The following TUT4 variants were observed in gnomAD, a reference collection of about 807,000 sequenced individuals.
TUT4 encodes terminal uridylyl transferase 4.
Under a neutral mutation model 192.2 loss-of-function variants are expected in TUT4, and 36 were observed. The observed-to-expected ratio is 0.19, with a 90% confidence interval of 0.14 to 0.25. TUT4 has a LOEUF of 0.25. Ranked by LOEUF, TUT4 falls within the 10% of genes least tolerant of loss-of-function variation. The pLI is 1.00. For synonymous variants in TUT4, 618 were observed against 666.0 expected (o/e 0.93, Z 1.11); for missense variants, 1,493 against 1,957.2 (o/e 0.76, Z 4.47).
At chr1:52,452,506 G>A (rs941283130) in intron 20 of TUT4, among the ~76,000 whole-genome samples, 4 of 152,174 alleles carry the variant, frequency 2.6e-5, no homozygotes, top group African/African-American at 4.8e-5. Context: ...TTTGGGGAGC[G>A]GAGAAGGGCT....
At chr1:52,427,004 T>C (rs553393997) in intron 28 of TUT4, among the ~76,000 whole-genome samples, 1 of 152,232 alleles carries the variant, frequency 6.6e-6, no homozygotes, top group South Asian at 2.1e-4. Context: ...TGAGTATCTA[T>C]ACAATGAATA....
intron 15 of TUT4, among the ~76,000 whole-genome samples, chr1:52,466,857 G>C (rs1343714641): frequency 6.6e-6 from 1 of 151,680 alleles, no homozygotes; most frequent in African/African-American, 2.4e-5. Flanking sequence ...TAGTAGAGAC[G>C]GGTTTTGCCA....
intron 19 of TUT4, among the ~76,000 whole-genome samples, chr1:52,460,371 A>G (rs747930163): frequency 1.3e-5 from 2 of 152,052 alleles, no homozygotes; most frequent in Non-Finnish European, 2.9e-5. Flanking sequence ...AATCCCAGCT[A>G]CTTGGGAGGC....
intron 28 of TUT4, among the ~76,000 whole-genome samples, chr1:52,429,276 G>C (rs921998363): frequency 6.6e-6 from 1 of 151,506 alleles, no homozygotes; most frequent in Non-Finnish European, 1.5e-5. Context: ...AAGTAGAGAC[G>C]GGGTTTCACC....
At chr1:52,435,274 G>T in intron 27 of TUT4, 91 bp downstream of exon 27, 2 of 1,015,420 alleles carry the variant, frequency 2.0e-6, no homozygotes, top group Non-Finnish European at 3.0e-6. Context: ...CTGGAAGATT[G>T]TATTAGCCAG....
rs200259062 is a variant in TUT4, at chr1:52,486,562, A to G, written c.1515+2347T>C. Among the ~76,000 whole-genome samples, 3 of 152,224 alleles carry G rather than the reference A, an allele frequency of 2.0e-5. No homozygotes were observed. In the East Asian group the frequency reaches 5.8e-4, roughly 29 times the overall value. On this transcript the variant is annotated intron_variant, in intron 9 of 29. Transcript: ENST00000257177. The stretch of plus-strand genomic sequence containing the variant: ...TGGCTTAAAACTTCAAGAAAAACAA[A>G]GCTATTTTAAAAAAATCTTTTAGAA...
At chr1:52,486,359 G>C (rs1040650287) in intron 9 of TUT4, among the ~76,000 whole-genome samples, 1 of 152,092 alleles carries the variant, frequency 6.6e-6, no homozygotes, top group African/African-American at 2.4e-5. Flanking sequence ...GAGTTAAGAA[G>C]CTTTATCTAG....
chr1:52,552,552 G>C (rs941429585), intron 1 of TUT4, among the ~76,000 whole-genome samples: 3 of 152,196 alleles, frequency 2.0e-5, no homozygotes, highest in African/African-American at 7.2e-5. Context: ...ACAGGGAATC[G>C]TAACTGGACC....
intron 2 of TUT4, among the ~76,000 whole-genome samples, chr1:52,516,546 T>C (rs1422649663): frequency 6.6e-6 from 1 of 152,220 alleles, no homozygotes; most frequent in African/African-American, 2.4e-5. Flanking sequence ...ACTACATTAA[T>C]GGTTTTCCTT....
At position 52,523,953 on chromosome 1, in the gene TUT4, G is replaced by A. The variant is rs150779054; in HGVS notation, c.718+1610C>T. ...CTTTTTATTTCTACATCAAGATAAC[G>A]CTGTATTTTTCCAGCCATGAAAACA... is the stretch of plus-strand genomic sequence containing the variant. On this transcript the variant is annotated intron_variant, in intron 2 of 29. Coordinates refer to ENST00000257177, the MANE Select transcript of TUT4 (RefSeq NM_001009881.3). Among the ~76,000 whole-genome samples, 651 of 152,072 alleles carry A rather than the reference G, an allele frequency of 4.3e-3. 3 individuals carry two copies. The highest frequency in any genetic ancestry group is 7.9e-3 in the Non-Finnish European group (535 of 67,986).
chr1:52,502,050 T>C (rs768140512), intron 4 of TUT4, among the ~76,000 whole-genome samples: 1 of 151,738 alleles, frequency 6.6e-6, no homozygotes, highest in African/African-American at 2.4e-5. Context: ...TGCAAAACAA[T>C]GTAAATGTAC....
chr1:52,545,124 C>G (rs577933883), intron 1 of TUT4, among the ~76,000 whole-genome samples: 81 of 151,364 alleles, frequency 5.4e-4, no homozygotes, highest in African/African-American at 1.7e-3. Context: ...GCCTATAATC[C>G]TTGTACTTTG....
At chr1:52,549,405 T>C (rs538179497) in intron 1 of TUT4, among the ~76,000 whole-genome samples, 1 of 152,322 alleles carries the variant, frequency 6.6e-6, no homozygotes, top group South Asian at 2.1e-4. Context: ...CTTTGCATGT[T>C]ATTCCCTAGG....
chr1:52,484,135 G>A lies in TUT4; in HGVS notation c.1516-2212C>T, dbSNP rs377379597. 9.9e-5 allele frequency among the ~76,000 whole-genome samples: 15 copies of A among 152,168 alleles called. 1 individual carries two copies. Among genetic ancestry groups the A allele is most frequent in the African/African-American group, 3.6e-4 (15 of 41,516 alleles). On this transcript the variant is annotated intron_variant, in intron 9 of 29. Coordinates refer to ENST00000257177, the MANE Select transcript of TUT4 (RefSeq NM_001009881.3). Reference sequence around the variant, plus strand: ...AAGCTGAGGTGGGAGGATCCCTTGAGCCCAGGAGTTCAAGGTTACAGTGAG... The same window carrying A: ...AAGCTGAGGTGGGAGGATCCCTTGAACCCAGGAGTTCAAGGTTACAGTGAG...
chr1:52,450,817 T>G (rs370250895), intron 20 of TUT4, among the ~76,000 whole-genome samples: 1 of 152,114 alleles, frequency 6.6e-6, no homozygotes, highest in East Asian at 1.9e-4. Context: ...TGACTCCTAA[T>G]CCATGGGTAA....
intron 20 of TUT4, among the ~76,000 whole-genome samples, chr1:52,453,041 T>C (rs1374679961): frequency 6.6e-6 from 1 of 152,188 alleles, no homozygotes; most frequent in Admixed American, 6.5e-5. Flanking sequence ...CCAACACATT[T>C]GGTCACAGAA....
chr1:52,493,161 G>A (rs552688138), intron 7 of TUT4, among the ~76,000 whole-genome samples: 258 of 152,278 alleles, frequency 1.7e-3, no homozygotes, highest in African/African-American at 6.0e-3. Context: ...TCAGCTCACT[G>A]CAACCTCCGC....
intron 24 of TUT4, among the ~76,000 whole-genome samples, chr1:52,439,068 T>TAAAA (rs984014427): frequency 1.3e-5 from 1 of 79,270 alleles, no homozygotes. Context: ...AGACTCCATC[T>TAAAA]AAAAAAAAAA....
intron 20 of TUT4, among the ~76,000 whole-genome samples, chr1:52,455,312 A>C (rs998456704): frequency 6.6e-6 from 1 of 152,026 alleles, no homozygotes; most frequent in African/African-American, 2.4e-5. Context: ...AAATAAAACA[A>C]AATATTAGAT....
Sources: allele counts gnomAD v4.1 joint callset (sites outside exome capture counted in the v4.1 genomes callset), GRCh38; gene constraint gnomAD v4.1.1; transcripts MANE v1.5; gene names NCBI Gene and HGNC (gene_info 2026-07-23, HGNC 2026-07-21).